The following NXPH1 variants were observed in gnomAD, a reference collection of about 807,000 sequenced individuals.
NXPH1 encodes the protein neurexophilin 1.
A neutral mutation model predicts 23.7 loss-of-function variants in NXPH1; 5 were observed. The observed-to-expected ratio is 0.21, with a 90% confidence interval of 0.11 to 0.44. The LOEUF is 0.44. Among genes scored for constraint, NXPH1 ranks in the 20% least tolerant of loss-of-function variants. The pLI is 0.99. For synonymous variants in NXPH1, 144 were observed against 122.2 expected (o/e 1.18, Z -1.18); for missense variants, 324 against 321.6 (o/e 1.01, Z -0.06).
chr7:8,742,213 C>T (rs1261619309), intron 2 of NXPH1, among the ~76,000 whole-genome samples: 1 of 152,104 alleles, frequency 6.6e-6, no homozygotes, highest in Admixed American at 6.5e-5. Flanking sequence ...ATGGATGACT[C>T]ATTTTATCCT....
chr7:8,483,489 T>C (rs576128873), intron 2 of NXPH1, among the ~76,000 whole-genome samples: 2 of 152,038 alleles, frequency 1.3e-5, no homozygotes, highest in East Asian at 3.9e-4. Context: ...TTGTATTTTC[T>C]GTAGAGACTG....
At chr7:8,679,128 T>A (rs1400367229) in intron 2 of NXPH1, among the ~76,000 whole-genome samples, 1 of 151,706 alleles carries the variant, frequency 6.6e-6, no homozygotes, top group African/African-American at 2.4e-5. Context: ...TTTGTATTTT[T>A]AGTAGAGACG....
chr7:8,643,161 C>T (rs1451085902), intron 2 of NXPH1, among the ~76,000 whole-genome samples: 1 of 102,686 alleles, frequency 9.7e-6, no homozygotes, highest in Non-Finnish European at 2.3e-5. Flanking sequence ...CCATGCCCGG[C>T]CAGGCATACA....
At position 8,750,930 on chromosome 7, in the gene NXPH1, G is replaced by A. The variant is rs1041359466; in HGVS notation, c.55-78G>A. 6 of 1,367,744 alleles carry A rather than the reference G, an allele frequency of 4.4e-6. No individual in the cohort carries two copies. The Admixed American group carries it at 1.3e-4, about 29-fold the overall frequency. The allele number at this position is 1,367,744 out of a possible 1,614,324, so 84.7% of individuals were successfully genotyped here. A position where few individuals can be genotyped will look rare whatever the true frequency, so the allele number is the denominator to read the frequency against. ...TGTAATTATTTAATCCTGAGACTCA[G>A]AGAAGGCTTAGATCTATGCATTGGG... On this transcript the variant is annotated intron_variant, in intron 2 of 2. Transcript: ENST00000405863.
intron 2 of NXPH1, among the ~76,000 whole-genome samples, chr7:8,575,647 G>C (rs367665961): frequency 7.9e-5 from 12 of 152,042 alleles, no homozygotes; most frequent in East Asian, 7.7e-4. Flanking sequence ...TGAATTATCT[G>C]GATAGGCCTA....
At chr7:8,439,156 T>C (rs1816248628) in intron 2 of NXPH1, among the ~76,000 whole-genome samples, 1 of 152,236 alleles carries the variant, frequency 6.6e-6, no homozygotes, top group South Asian at 2.1e-4. Context: ...TATTCTCTTA[T>C]TATTCCTGGA....
chr7:8,555,099 G>A (rs867592732), intron 2 of NXPH1, among the ~76,000 whole-genome samples: 5 of 151,740 alleles, frequency 3.3e-5, no homozygotes, highest in Non-Finnish European at 7.4e-5. Flanking sequence ...GGCATTGAAT[G>A]AAAGGACTGA....
Position 8,693,886 on chromosome 7 carries a change from T to C in NXPH1, c.55-57122T>C, listed in dbSNP as rs186173359. On this transcript the variant is annotated intron_variant, in intron 2 of 2. Transcript: ENST00000405863. ...TTACTAATGGCTTCTCTTTTCACTC[T>C]AAAAGTGTCCCAGTTTGGACAACAA... Among the ~76,000 whole-genome samples the C allele has an allele frequency of 2.3e-3, 353 of 152,320 alleles. 2 individuals are homozygous for C. The highest frequency in any genetic ancestry group is 0.02 in the Middle Eastern group (6 of 294).
chr7:8,506,310 C>T (rs1817521252), intron 2 of NXPH1, among the ~76,000 whole-genome samples: 2 of 152,110 alleles, frequency 1.3e-5, no homozygotes, highest in South Asian at 4.1e-4. Flanking sequence ...GTTTTGGCTA[C>T]ATCATCCAGT....
chr7:8,452,211 G>C (rs1220904912), intron 2 of NXPH1, among the ~76,000 whole-genome samples: 1 of 152,120 alleles, frequency 6.6e-6, no homozygotes, highest in Non-Finnish European at 1.5e-5. Context: ...CTTTTCTTGT[G>C]AGAAGAATAT....
chr7:8,736,358 A>G (rs201451530), intron 2 of NXPH1, among the ~76,000 whole-genome samples: 2 of 152,020 alleles, frequency 1.3e-5, no homozygotes, highest in Admixed American at 6.6e-5. Flanking sequence ...CAAAGAACTT[A>G]TTTATTTCGG....
At chr7:8,468,799 C>G (rs1295418854) in intron 2 of NXPH1, among the ~76,000 whole-genome samples, 1 of 151,984 alleles carries the variant, frequency 6.6e-6, no homozygotes, top group African/African-American at 2.4e-5. Flanking sequence ...ATTTGAGCGA[C>G]TATTCTAGTT....
At chr7:8,667,134 A>G (rs1820784640) in intron 2 of NXPH1, among the ~76,000 whole-genome samples, 1 of 152,042 alleles carries the variant, frequency 6.6e-6, no homozygotes, top group African/African-American at 2.4e-5. Context: ...TTAATTTTTT[A>G]ATTACATATT....
chr7:8,585,368 T>C (rs1818959284), intron 2 of NXPH1, among the ~76,000 whole-genome samples: 1 of 152,114 alleles, frequency 6.6e-6, no homozygotes, highest in African/African-American at 2.4e-5. Context: ...GTTTTTGCTA[T>C]AAACAATCCT....
At position 8,628,370 on chromosome 7, in the gene NXPH1, GTTTTTTT is replaced by G. The variant is rs5882180; in HGVS notation, c.55-122629_55-122623del. ...ACATTAGAACATTTTATGCATAGGT[GTTTTTTT>G]TTTTTTTTAGATAATGTATGGTTAG... On this transcript the variant is annotated intron_variant, in intron 2 of 2. Transcript: ENST00000405863. Among the ~76,000 whole-genome samples, 2 of 135,282 alleles carry G rather than the reference GTTTTTTT, an allele frequency of 1.5e-5. 1 individual carries two copies. The highest frequency in any genetic ancestry group is 3.2e-5 in the Non-Finnish European group (2 of 63,262). The allele number at this position is 135,282 out of a possible 152,430, so 88.8% of individuals were successfully genotyped here.
At chr7:8,729,030 C>T (rs879928895) in intron 2 of NXPH1, among the ~76,000 whole-genome samples, 1 of 151,840 alleles carries the variant, frequency 6.6e-6, no homozygotes, top group Non-Finnish European at 1.5e-5. Flanking sequence ...TGTTATTGGT[C>T]TATTCAGAGA....
At chr7:8,441,749 G>A (rs1004887372) in intron 2 of NXPH1, among the ~76,000 whole-genome samples, 1 of 152,148 alleles carries the variant, frequency 6.6e-6, no homozygotes, top group Non-Finnish European at 1.5e-5. Context: ...CCCTCCGCGC[G>A]CCCAAGAGCG....
intron 2 of NXPH1, among the ~76,000 whole-genome samples, chr7:8,522,893 T>C (rs1817796158): frequency 6.6e-6 from 1 of 152,214 alleles, no homozygotes; most frequent in Non-Finnish European, 1.5e-5. Context: ...GGCTTCCCCT[T>C]AGAAAGTGTT....
chr7:8,448,423 C>T (rs540503833), intron 2 of NXPH1, among the ~76,000 whole-genome samples: 6 of 152,268 alleles, frequency 3.9e-5, no homozygotes, highest in East Asian at 3.9e-4. Context: ...TTTTTGTTTC[C>T]TTCTTTCAGC....
Sources: allele counts gnomAD v4.1 joint callset (sites outside exome capture counted in the v4.1 genomes callset), GRCh38; gene constraint gnomAD v4.1.1; transcripts MANE v1.5; gene names NCBI Gene and HGNC (gene_info 2026-07-23, HGNC 2026-07-21).